Variants in RP1 observed in about 807,000 individuals in gnomAD.
RP1 encodes oxygen-regulated protein 1.
In RP1, 16 loss-of-function variants were observed where a neutral mutation model predicts 14.8. The observed-to-expected ratio is 1.08, with a 90% confidence interval of 0.73 to 1.65. The LOEUF (loss-of-function observed/expected upper bound fraction) is 1.65, where lower values mean the gene tolerates loss of function less well. Among genes scored for constraint, RP1 ranks in the 40% most tolerant of loss-of-function variants. The pLI, the probability that RP1 is intolerant of heterozygous loss-of-function variation, is 0.00. For synonymous variants in RP1, 876 were observed against 883.6 expected (o/e 0.99, Z 0.15); for missense variants, 2,631 against 2,535.0 (o/e 1.04, Z -0.81).
Position 54,629,482 on chromosome 8 carries a change from T to C in RP1, c.5600T>C (p.Val1867Ala). ...CAGTCAGAAAGAGTATGCACATCTG[T>C]CACTCATTCCTTTATTTCTGCTGGT... ...SHQSERVCTS[V>A]THSFISAGNK... The change falls in exon 4 of 4, where the codon GTC becomes GCC. Residue 1867 changes from valine (V) to alanine (A), a missense_variant. Val to Ala is a moderately conservative substitution (Grantham distance 64). Transcript: ENST00000220676. 6.2e-7 allele frequency: 1 copy of C among 1,614,148 alleles called. No homozygotes were observed. Among genetic ancestry groups the C allele is most frequent in the Non-Finnish European group, 8.5e-7 (1 of 1,180,010 alleles).
At chr8:54,785,903 C>T (rs908966530) in intron 24 of RP1, among the ~76,000 whole-genome samples, 20 of 151,994 alleles carry the variant, frequency 1.3e-4, no homozygotes, top group Admixed American at 3.9e-4. Context: ...TGAGAAGCAA[C>T]GATTTGCCCA....
chr8:54,720,868 T>G (rs979299056), intron 16 of RP1, among the ~76,000 whole-genome samples: 2 of 152,240 alleles, frequency 1.3e-5, no homozygotes, highest in Non-Finnish European at 2.9e-5. Flanking sequence ...CATGTATTTG[T>G]GTTCAAACCT....
chr8:54,611,156 T>G (rs1189888653), upstream of RP1, among the ~76,000 whole-genome samples: 1 of 152,178 alleles, frequency 6.6e-6, no homozygotes, highest in African/African-American at 2.4e-5. Context: ...TTTTGATGCT[T>G]TAATGTATTT....
At chr8:54,754,808 C>A in exon 20 of RP1, 1 of 1,506,304 alleles carries the variant, frequency 6.6e-7, no homozygotes, top group Non-Finnish European at 8.8e-7. Context: ...TCCAGGTGAC[C>A]ATGCAACATA....
intron 26 of RP1, chr8:54,856,929 T>C (rs1396353999): frequency 2.8e-6 from 1 of 356,816 alleles, no homozygotes; most frequent in East Asian, 4.1e-5. Context: ...AAGAATACTA[T>C]ATAGTATAGT....
At chr8:54,838,244 G>A (rs745498359) in intron 25 of RP1, among the ~76,000 whole-genome samples, 1 of 152,188 alleles carries the variant, frequency 6.6e-6, no homozygotes, top group Admixed American at 6.5e-5. Flanking sequence ...GAACTTTGTA[G>A]CACCTGAATT....
intron 1 of RP1, among the ~76,000 whole-genome samples, chr8:54,587,423 C>T (rs549105391): frequency 8.1e-6 from 1 of 124,126 alleles, no homozygotes; most frequent in African/African-American, 3.7e-5. Context: ...GAGACCCTGT[C>T]TCAAAAAAAA....
rs766586423 is a variant in RP1, at chr8:54,678,464, ATGGT to A, written c.1412_1415del (p.Trp471PhefsTer24). 6.5e-7 allele frequency: 1 copy of A among 1,533,812 alleles called. No individual in the cohort carries two copies. Among genetic ancestry groups the A allele is most frequent in the Non-Finnish European group, 8.7e-7 (1 of 1,145,888 alleles). On this transcript the variant is annotated frameshift_variant, in exon 9 of 23. Transcript: ENST00000636932. LOFTEE classifies it high-confidence loss of function. The stretch of plus-strand genomic sequence containing the variant: ...TCATTCTTTAATTTGTGTTTAGGAA[ATGGT>A]TGGTTTCTTGATGATGTTGTTATCA...
At chr8:54,600,220 C>T (rs1805243274) in intron 1 of RP1, among the ~76,000 whole-genome samples, 1 of 152,126 alleles carries the variant, frequency 6.6e-6, no homozygotes, top group Non-Finnish European at 1.5e-5. Context: ...GGGGAGTTTC[C>T]CTGCATAAGC....
chr8:54,785,336 A>G (rs1287937813), intron 24 of RP1, among the ~76,000 whole-genome samples: 3 of 150,120 alleles, frequency 2.0e-5, no homozygotes, highest in African/African-American at 7.6e-5. Context: ...GTGTTGTAGC[A>G]TGTATCAGTA....
chr8:54,602,197 C>A (rs950082559), intron 1 of RP1, among the ~76,000 whole-genome samples: 1 of 152,198 alleles, frequency 6.6e-6, no homozygotes, highest in Admixed American at 6.5e-5. Flanking sequence ...TTCCCCCACC[C>A]CACAACAGGC....
At chr8:54,576,306 A>G (rs1308748136) in intron 1 of RP1, among the ~76,000 whole-genome samples, 1 of 152,130 alleles carries the variant, frequency 6.6e-6, no homozygotes, top group Non-Finnish European at 1.5e-5. Context: ...CGGCCTCCCA[A>G]AGTGCTGGGA....
intron 24 of RP1, among the ~76,000 whole-genome samples, chr8:54,820,321 T>G (rs1811225814): frequency 1.3e-5 from 2 of 152,108 alleles, no homozygotes; most frequent in South Asian, 4.2e-4. Context: ...CATTGCAAGA[T>G]CACTGGCTCC....
At chr8:54,635,544 A>G (rs560501449), downstream of RP1, among the ~76,000 whole-genome samples, 5 of 152,158 alleles carry the variant, frequency 3.3e-5, no homozygotes, top group Non-Finnish European at 7.3e-5. Flanking sequence ...ATATATATGA[A>G]TATTCATATA....
rs368788385 is a variant in RP1 at position 54,627,576 on chromosome 8, A to G, written c.3694A>G (p.Ile1232Val). The change falls in exon 4 of 4, where the codon ATC (isoleucine) becomes GTC (valine). Residue 1232 changes from isoleucine (I) to valine (V), a missense_variant. Transcript: ENST00000220676. ...KCSENERTQGISSLDGGCSAS... is the reference protein window; with the variant it reads ...KCSENERTQGVSSLDGGCSAS... ...CAGTGAAAATGAAAGAACACAAGGA[A>G]TCTCCTCTTTGGATGGAGGTTGCTC... The G allele has an allele frequency of 3.1e-6, 5 of 1,614,034 alleles. No individual in the cohort carries two copies. Among genetic ancestry groups the G allele is most frequent in the Non-Finnish European group, 8.5e-7 (1 of 1,179,988 alleles).
At position 54,784,137 on chromosome 8, in the gene RP1, A is replaced by G. The variant is rs556636384; in HGVS notation, c.3615+427A>G. On this transcript the variant is annotated intron_variant, in intron 24 of 28. Coordinates refer to the RP1 transcript ENST00000637698. ...GTGGTGCAGGCCTAATGACTAAGACATGGGCGAAACGGTCAAATGGTCAAG... is the reference window on the plus strand; with the variant it reads ...GTGGTGCAGGCCTAATGACTAAGACGTGGGCGAAACGGTCAAATGGTCAAG... Among the ~76,000 whole-genome samples the G allele has an allele frequency of 4.3e-4, 65 of 152,274 alleles. 1 individual carries two copies. The highest frequency in any genetic ancestry group is 1.5e-3 in the African/African-American group (64 of 41,554).
intron 24 of RP1, among the ~76,000 whole-genome samples, chr8:54,823,617 A>G (rs1055606007): frequency 1.3e-5 from 2 of 152,224 alleles, no homozygotes; most frequent in African/African-American, 4.8e-5. Context: ...GACATGAGCC[A>G]CCATGCCCAG....
intron 1 of RP1, among the ~76,000 whole-genome samples, chr8:54,563,371 C>T (rs1472113154): frequency 6.6e-6 from 1 of 152,248 alleles, no homozygotes; most frequent in Admixed American, 6.5e-5. Context: ...GGCAGCGAGT[C>T]AGGGACCATC....
chr8:54,818,504 A>C (rs562629064), intron 24 of RP1, among the ~76,000 whole-genome samples: 1 of 152,268 alleles, frequency 6.6e-6, no homozygotes, highest in Non-Finnish European at 1.5e-5. Flanking sequence ...GTAATAATGA[A>C]AAGTTTTGAC....
Sources: gnomAD v4.1 joint callset for allele counts (sites outside exome capture counted in the v4.1 genomes callset) on GRCh38, gnomAD v4.1.1 for gene constraint, MANE v1.5 for transcripts, NCBI Gene and HGNC (gene_info 2026-07-23, HGNC 2026-07-21) for gene names.